ARFGEF1: variants seen among roughly 807,000 people sequenced by gnomAD.
ARFGEF1 encodes the protein ARF guanine nucleotide exchange factor 1, also known as brefeldin A-inhibited guanine nucleotide-exchange protein 1.
A neutral mutation model predicts 231.0 loss-of-function variants in ARFGEF1; 42 were observed. The observed-to-expected ratio is 0.18, with a 90% CI of 0.14 to 0.24. The LOEUF (loss-of-function observed/expected upper bound fraction) is 0.24, where lower values mean the gene tolerates loss of function less well. Ranked by LOEUF, ARFGEF1 falls within the 10% of genes least tolerant of loss-of-function variation. ARFGEF1 has a pLI of 1.00. For missense variants in ARFGEF1, 1,345 were observed against 2,192.0 expected, an observed-to-expected ratio of 0.61 and a Z score of 7.72; for synonymous variants, 710 against 732.3, an observed-to-expected ratio of 0.97 and a Z score of 0.49.
intron 1 of ARFGEF1, among the ~76,000 whole-genome samples, chr8:67,309,837 A>G (rs577109251): frequency 6.6e-6 from 1 of 152,342 alleles, no homozygotes; most frequent in Admixed American, 6.5e-5. Flanking sequence ...TGGATCCCAG[A>G]AAACACCTAC....
At chr8:67,179,159 G>A (rs1274934251) in intron 5 of ARFGEF1, among the ~76,000 whole-genome samples, 6 of 152,074 alleles carry the variant, frequency 3.9e-5, no homozygotes, top group African/African-American at 1.4e-4. Flanking sequence ...CTGACATGTT[G>A]GTTATTATTC....
At chr8:67,328,121 T>A (rs954724444) in intron 1 of ARFGEF1, among the ~76,000 whole-genome samples, 10 of 152,136 alleles carry the variant, frequency 6.6e-5, no homozygotes, top group South Asian at 2.1e-4. Context: ...GACATTTTTT[T>A]AAAAAAGATA....
At chr8:67,300,980 T>C (rs910303577) in intron 3 of ARFGEF1, among the ~76,000 whole-genome samples, 8 of 152,196 alleles carry the variant, frequency 5.3e-5, no homozygotes, top group African/African-American at 1.9e-4. Flanking sequence ...ATCAACACTT[T>C]TCATTATTGA....
chr8:67,241,328 G>C (rs1563858821), intron 19 of ARFGEF1, among the ~76,000 whole-genome samples: 1 of 152,190 alleles, frequency 6.6e-6, no homozygotes, highest in Non-Finnish European at 1.5e-5. Context: ...GAGAGAAGCT[G>C]AGAGAAACAT....
At chr8:67,173,744 T>C (rs1830954785), downstream of ARFGEF1, 1 of 152,306 alleles carries the variant, frequency 6.6e-6, no homozygotes, top group African/African-American at 2.4e-5. Flanking sequence ...TTACGTATAC[T>C]GTTATTTTTT....
At chr8:67,281,946 T>C (rs1457279966) in intron 7 of ARFGEF1, among the ~76,000 whole-genome samples, 1 of 152,132 alleles carries the variant, frequency 6.6e-6, no homozygotes, top group Non-Finnish European at 1.5e-5. Context: ...TTTTTATGTT[T>C]CTGGAGGAGA....
chr8:67,223,856 A>G (rs1196360416), intron 29 of ARFGEF1, among the ~76,000 whole-genome samples: 1 of 152,162 alleles, frequency 6.6e-6, no homozygotes, highest in Non-Finnish European at 1.5e-5. Flanking sequence ...TTGAATTTTA[A>G]CAAGTTCCTA....
At chr8:67,296,969 A>G (rs1466424445) in intron 4 of ARFGEF1, among the ~76,000 whole-genome samples, 4 of 152,162 alleles carry the variant, frequency 2.6e-5, no homozygotes, top group Non-Finnish European at 5.9e-5. Flanking sequence ...GATTTTCTGC[A>G]TCTAGAGTTT....
intron 1 of ARFGEF1, among the ~76,000 whole-genome samples, chr8:67,326,554 T>C (rs181930150): frequency 6.6e-6 from 1 of 152,366 alleles, no homozygotes; most frequent in Admixed American, 6.5e-5. Context: ...AGCTAAGGCT[T>C]GTGTTTTAGA....
chr8:67,308,023 C>T (rs534719460), intron 1 of ARFGEF1, among the ~76,000 whole-genome samples: 2 of 152,270 alleles, frequency 1.3e-5, no homozygotes, highest in East Asian at 1.9e-4. Context: ...CACTTGGAGG[C>T]TACAAAAAAT....
intron 6 of ARFGEF1, 105 bp downstream of exon 6, chr8:67,291,742 A>C: frequency 7.1e-7 from 1 of 1,417,984 alleles, no homozygotes; most frequent in Non-Finnish European, 9.6e-7. Context: ...TGTGTCTGAC[A>C]CACTTATTAA....
intron 1 of ARFGEF1, among the ~76,000 whole-genome samples, chr8:67,334,998 C>G (rs570036719): frequency 7.8e-4 from 118 of 151,528 alleles, no homozygotes; most frequent in Non-Finnish European, 1.5e-3. Context: ...AATCATTACA[C>G]TCAAAAAAAG....
intron 5 of ARFGEF1, among the ~76,000 whole-genome samples, chr8:67,292,842 T>C (rs1806068870): frequency 6.6e-6 from 1 of 152,146 alleles, no homozygotes; most frequent in African/African-American, 2.4e-5. Flanking sequence ...CTGATAAGAA[T>C]GAGTCTCACA....
chr8:67,178,409 G>T (rs190416798), intron 5 of ARFGEF1, among the ~76,000 whole-genome samples: 3 of 152,306 alleles, frequency 2.0e-5, no homozygotes, highest in Admixed American at 1.3e-4. Flanking sequence ...CTATGGACAA[G>T]AAACTGTTCT....
intron 33 of ARFGEF1, among the ~76,000 whole-genome samples, chr8:67,214,582 T>C (rs188525725): frequency 5.8e-4 from 89 of 152,302 alleles, no homozygotes; most frequent in Admixed American, 2.4e-3. Flanking sequence ...AAGGCTATAA[T>C]AGCTGGACAA....
At chr8:67,200,300 C>T in intron 38 of ARFGEF1, 96 bp downstream of exon 38, 1 of 872,264 alleles carries the variant, frequency 1.1e-6, no homozygotes. Context: ...CTGCTTGATT[C>T]ATCTCTGAGA....
At chr8:67,226,555 T>C (rs1203148806) in intron 27 of ARFGEF1, among the ~76,000 whole-genome samples, 2 of 152,094 alleles carry the variant, frequency 1.3e-5, no homozygotes, top group Admixed American at 6.6e-5. Context: ...CTACGTAAAA[T>C]AATATAAGTG....
intron 22 of ARFGEF1, among the ~76,000 whole-genome samples, chr8:67,233,533 T>G (rs923900052): frequency 2.0e-5 from 3 of 152,018 alleles, no homozygotes; most frequent in African/African-American, 7.2e-5. Context: ...CTATCAATAT[T>G]CAACTAGTCA....
chr8:67,228,228 G>A lies in ARFGEF1; in HGVS notation c.3417C>T (p.Ala1139=), dbSNP rs1428120771. Residue 1139 remains alanine (A), a synonymous_variant, in exon 24 of 39, where the codon GCC becomes GCT. Transcript: ENST00000262215. ...FTGSTRLDGN[A]IVDFVRWLCA... ...AGAATAAATGCCCATACTTACCAAT[G>A]GCATTTCCATCTAGCCTTGTAGATC... 1.9e-6 allele frequency: 3 copies of A among 1,610,704 alleles called. No homozygotes were observed. Among genetic ancestry groups the A allele is most frequent in the African/African-American group, 1.3e-5 (1 of 74,770 alleles).
Sources: gnomAD v4.1 joint callset for allele counts (sites outside exome capture counted in the v4.1 genomes callset) on GRCh38, gnomAD v4.1.1 for gene constraint, MANE v1.5 for transcripts, NCBI Gene and HGNC (gene_info 2026-07-23, HGNC 2026-07-21) for gene names.